NSMCE2: variants seen among roughly 807,000 people sequenced by gnomAD.
NSMCE2 encodes E3 SUMO-protein ligase NSE2.
In NSMCE2, 24 loss-of-function variants were observed where a neutral mutation model predicts 23.8. The ratio of observed to expected loss-of-function variants is 1.01; its 90% CI spans 0.73 to 1.42. NSMCE2 has a LOEUF of 1.42. Ranked by LOEUF, NSMCE2 falls within the 40% of genes most tolerant of loss-of-function variation. The pLI is 0.00. For synonymous variants in NSMCE2, 92 were observed against 94.1 expected (o/e 0.98, Z 0.13); for missense variants, 284 against 296.5 (o/e 0.96, Z 0.31).
At chr8:125,219,121 T>C (rs903919429) in intron 5 of NSMCE2, among the ~76,000 whole-genome samples, 1 of 152,198 alleles carries the variant, frequency 6.6e-6, no homozygotes, top group African/African-American at 2.4e-5. Flanking sequence ...GGATAAACTT[T>C]TAAATGAACC....
intron 4 of NSMCE2, among the ~76,000 whole-genome samples, chr8:125,172,346 A>G (rs1316233971): frequency 1.3e-5 from 2 of 152,236 alleles, no homozygotes; most frequent in Non-Finnish European, 2.9e-5. Flanking sequence ...TAAAGTGAGA[A>G]ATTCCCAGAT....
intron 4 of NSMCE2, among the ~76,000 whole-genome samples, chr8:125,163,885 G>A (rs1278303076): frequency 6.6e-6 from 1 of 152,194 alleles, no homozygotes; most frequent in African/African-American, 2.4e-5. Context: ...GGAAAAAAGA[G>A]GTTTAACCAT....
intron 5 of NSMCE2, among the ~76,000 whole-genome samples, chr8:125,189,359 A>G (rs1823245876): frequency 1.3e-5 from 2 of 152,244 alleles, no homozygotes; most frequent in South Asian, 2.1e-4. Context: ...TCGATTTGCT[A>G]ATAGCCTAAA....
intron 5 of NSMCE2, among the ~76,000 whole-genome samples, chr8:125,207,732 G>T (rs1429534095): frequency 6.6e-6 from 1 of 152,204 alleles, no homozygotes; most frequent in Admixed American, 6.5e-5. Context: ...GTTAGGAGGG[G>T]CTTCCTCACA....
chr8:125,179,949 C>T (rs1351593848), intron 4 of NSMCE2, among the ~76,000 whole-genome samples: 2 of 152,198 alleles, frequency 1.3e-5, no homozygotes, highest in Non-Finnish European at 2.9e-5. Flanking sequence ...ACTGATTACA[C>T]CTTGACAAGG....
chr8:125,313,211 AAAG>A, intron 5 of NSMCE2, among the ~76,000 whole-genome samples: 1 of 150,816 alleles, frequency 6.6e-6, no homozygotes, highest in African/African-American at 2.5e-5. Flanking sequence ...AGAAAGAAAG[AAAG>A]AAAAGAAAGA....
chr8:125,181,740 A>G (rs1382538049), intron 4 of NSMCE2, among the ~76,000 whole-genome samples: 2 of 152,024 alleles, frequency 1.3e-5, no homozygotes, highest in African/African-American at 4.8e-5. Context: ...TGGAATAACC[A>G]CTTGTGAGTG....
At chr8:125,261,713 C>G (rs927994810) in intron 5 of NSMCE2, among the ~76,000 whole-genome samples, 1 of 151,198 alleles carries the variant, frequency 6.6e-6, no homozygotes, top group African/African-American at 2.4e-5. Flanking sequence ...GGAAAATATC[C>G]ACTTTGGTTA....
chr8:125,204,974 G>A (rs1824055059), intron 5 of NSMCE2, among the ~76,000 whole-genome samples: 1 of 152,188 alleles, frequency 6.6e-6, no homozygotes, highest in Non-Finnish European at 1.5e-5. Flanking sequence ...GCTTTCCATG[G>A]CTCCCTTCAG....
chr8:125,245,708 A>G (rs1281038272), intron 5 of NSMCE2, among the ~76,000 whole-genome samples: 2 of 152,214 alleles, frequency 1.3e-5, no homozygotes, highest in Admixed American at 6.5e-5. Context: ...TAAGAGCTGG[A>G]TTACTGAAAA....
chr8:125,182,894 A>G (rs978218789), intron 5 of NSMCE2: 1 of 152,252 alleles, frequency 6.6e-6, no homozygotes, highest in East Asian at 1.9e-4. Flanking sequence ...ACCAGAAATA[A>G]TATATCATTT....
intron 3 of NSMCE2, among the ~76,000 whole-genome samples, chr8:125,109,555 A>G (rs1305119788): frequency 1.3e-5 from 2 of 152,198 alleles, no homozygotes; most frequent in Admixed American, 1.3e-4. Flanking sequence ...GAACTTTGAT[A>G]AACCAAATGA....
At chr8:125,210,767 G>A (rs981001831) in intron 5 of NSMCE2, among the ~76,000 whole-genome samples, 3 of 152,096 alleles carry the variant, frequency 2.0e-5, no homozygotes, top group Non-Finnish European at 2.9e-5. Flanking sequence ...AGGCTGGAGT[G>A]CAGTGGCGTG....
chr8:125,151,010 TTTTTTTA>T (rs1283767063), intron 3 of NSMCE2, among the ~76,000 whole-genome samples, 154 bp from the exon 4 acceptor site: 3 of 152,038 alleles, frequency 2.0e-5, no homozygotes, highest in African/African-American at 2.4e-5. Flanking sequence ...TTTTTTTTAT[TTTTTTTA>T]TTTTTTATTT....
At chr8:125,324,039 A>G (rs1829550610) in intron 5 of NSMCE2, among the ~76,000 whole-genome samples, 1 of 152,250 alleles carries the variant, frequency 6.6e-6, no homozygotes, top group South Asian at 2.1e-4. Context: ...ATGAACAGAC[A>G]CTTAAAATAT....
chr8:125,149,833 G>A (rs1220441749), intron 3 of NSMCE2, among the ~76,000 whole-genome samples: 1 of 152,094 alleles, frequency 6.6e-6, no homozygotes, highest in East Asian at 1.9e-4. Flanking sequence ...TGTATTATAG[G>A]TATGTAAGGT....
chr8:125,158,230 G>T (rs1183857913), intron 4 of NSMCE2, among the ~76,000 whole-genome samples: 1 of 152,126 alleles, frequency 6.6e-6, no homozygotes, highest in Non-Finnish European at 1.5e-5. Flanking sequence ...GAGCCTTAAA[G>T]ATGTTTCCAT....
rs528460723 is a variant in NSMCE2, at chr8:125,212,832, A to G, written c.418+30576A>G. The stretch of plus-strand genomic sequence containing the variant: ...GTGACTAGATTTCAGCCCGGGTTCT[A>G]ATCACCGAGGCATGTACCTGGTATG... On this transcript the variant is annotated intron_variant, in intron 5 of 7. Transcript: ENST00000287437. 2.5e-3 allele frequency among the ~76,000 whole-genome samples: 374 copies of G among 152,298 alleles called. 5 individuals carry two copies. The highest frequency in any genetic ancestry group is 9.6e-4 in the Non-Finnish European group (65 of 68,026).
intron 5 of NSMCE2, among the ~76,000 whole-genome samples, chr8:125,333,111 G>C (rs985514022): frequency 2.0e-5 from 3 of 152,062 alleles, no homozygotes; most frequent in African/African-American, 7.2e-5. Flanking sequence ...CCCCACTCCA[G>C]ACCTGCCGAA....
Sources: allele counts gnomAD v4.1 joint callset (sites outside exome capture counted in the v4.1 genomes callset), GRCh38; gene constraint gnomAD v4.1.1; transcripts MANE v1.5; gene names NCBI Gene and HGNC (gene_info 2026-07-23, HGNC 2026-07-21).